GALNT13: variants seen among roughly 807,000 people sequenced by gnomAD.
GALNT13 encodes the protein UDP-GalNAc:polypeptide N-acetylgalactosaminyltransferase 13.
Under a neutral mutation model 64.2 loss-of-function variants are expected in GALNT13, and 28 were observed. That is an observed-to-expected ratio of 0.44 (90% CI 0.32 to 0.60). The LOEUF (loss-of-function observed/expected upper bound fraction) is 0.60. Among genes scored for constraint, GALNT13 ranks in the 20% least tolerant of loss-of-function variants. The pLI, the probability that GALNT13 is intolerant of heterozygous loss-of-function variation, is 0.05. For synonymous variants in GALNT13, 214 were observed against 224.6 expected (o/e 0.95, Z 0.42); for missense variants, 577 against 669.8 (o/e 0.86, Z 1.53).
chr2:153,483,894 C>T, the GALNT13 span, among the ~76,000 whole-genome samples: 182 of 152,132 alleles, frequency 1.2e-3, 1 homozygote, highest in Non-Finnish European at 2.0e-3. Flanking sequence ...AGAGGAGTAA[C>T]AGTAGTTATG....
chr2:153,774,451 T>C, the GALNT13 span, among the ~76,000 whole-genome samples: 1 of 152,184 alleles, frequency 6.6e-6, no homozygotes, highest in Admixed American at 6.5e-5. Flanking sequence ...GGGTTTTATA[T>C]AAAGACAGAA....
the GALNT13 span, among the ~76,000 whole-genome samples, chr2:153,650,769 A>G: frequency 2.1e-4 from 32 of 152,086 alleles, no homozygotes; most frequent in Admixed American, 5.2e-4. Context: ...CCAGGCAAAC[A>G]GGTTTGGAGT....
chr2:153,400,179 T>G, the GALNT13 span, among the ~76,000 whole-genome samples: 1 of 151,906 alleles, frequency 6.6e-6, no homozygotes, highest in East Asian at 1.9e-4. Context: ...TCTATTGAGA[T>G]AATCATGTGG....
chr2:153,544,120 A>C, the GALNT13 span, among the ~76,000 whole-genome samples: 1 of 152,200 alleles, frequency 6.6e-6, no homozygotes, highest in African/African-American at 2.4e-5. Flanking sequence ...AGCACAACGT[A>C]CAGAGAAAGA....
the GALNT13 span, among the ~76,000 whole-genome samples, chr2:153,175,163 C>G: frequency 2.0e-5 from 3 of 152,120 alleles, no homozygotes; most frequent in Non-Finnish European, 4.4e-5. Context: ...ATGTGTTCAC[C>G]TAATCCTGAG....
intron 2 of GALNT13, among the ~76,000 whole-genome samples, chr2:153,939,178 C>T (rs1044315560): frequency 2.0e-5 from 3 of 152,004 alleles, no homozygotes; most frequent in Non-Finnish European, 4.4e-5. Flanking sequence ...GATAGGAAAG[C>T]TCGTGGTGAT....
chr2:153,243,060 G>T, the GALNT13 span, among the ~76,000 whole-genome samples: 2 of 152,144 alleles, frequency 1.3e-5, no homozygotes, highest in African/African-American at 4.8e-5. Flanking sequence ...CAGTTGTGGA[G>T]GTATATTTGA....
At chr2:154,421,436 TGCTACAAATATAGACGTA>T (rs1700245729) in intron 11 of GALNT13, among the ~76,000 whole-genome samples, 2 of 152,090 alleles carry the variant, frequency 1.3e-5, no homozygotes, top group Non-Finnish European at 2.9e-5. Flanking sequence ...TATTTTGCCT[TGCTACAAATATAGACGTA>T]GTAGTCATAC....
intron 3 of GALNT13, among the ~76,000 whole-genome samples, chr2:153,950,180 G>T (rs957985389): frequency 1.3e-5 from 2 of 151,672 alleles, no homozygotes; most frequent in South Asian, 4.2e-4. Context: ...TAAAGCAAAC[G>T]CAACTGACCA....
chr2:154,336,765 C>G (rs1559097951), intron 9 of GALNT13, among the ~76,000 whole-genome samples: 3 of 151,762 alleles, frequency 2.0e-5, no homozygotes, highest in Admixed American at 6.6e-5. Flanking sequence ...GTTTTAATGT[C>G]CTAATGCTTA....
the GALNT13 span, among the ~76,000 whole-genome samples, chr2:153,670,202 A>G: frequency 6.6e-6 from 1 of 152,136 alleles, no homozygotes; most frequent in African/African-American, 2.4e-5. Flanking sequence ...TTCTCCCAGC[A>G]TGGCGTTCGA....
the GALNT13 span, among the ~76,000 whole-genome samples, chr2:153,566,643 T>C: frequency 2.0e-5 from 3 of 152,176 alleles, no homozygotes; most frequent in Admixed American, 6.5e-5. Flanking sequence ...CGTGAGCCAC[T>C]GCGTCCGGCC....
chr2:153,872,818 T>G (rs1164214037), intron 1 of GALNT13, among the ~76,000 whole-genome samples: 1 of 152,136 alleles, frequency 6.6e-6, no homozygotes, highest in African/African-American at 2.4e-5. Flanking sequence ...TGCCTTCGTA[T>G]AGTGCCCCCT....
intron 4 of GALNT13, among the ~76,000 whole-genome samples, chr2:154,167,150 AAAG>A (rs1685078264): frequency 6.6e-6 from 1 of 152,292 alleles, no homozygotes; most frequent in Admixed American, 6.5e-5. Context: ...ATAAAATTAA[AAAG>A]AAAAATAAAT....
At chr2:153,843,592 C>T in the GALNT13 span, among the ~76,000 whole-genome samples, 1 of 152,212 alleles carries the variant, frequency 6.6e-6, no homozygotes, top group Non-Finnish European at 1.5e-5. Flanking sequence ...ATCGTGCCTT[C>T]CCAATAGTCA....
At chr2:153,218,613 A>T in the GALNT13 span, among the ~76,000 whole-genome samples, 7 of 152,238 alleles carry the variant, frequency 4.6e-5, no homozygotes, top group Non-Finnish European at 1.0e-4. Context: ...GTTCTCTTTG[A>T]ACTCACCTAG....
chr2:153,672,290 A>G, the GALNT13 span, among the ~76,000 whole-genome samples: 1 of 152,192 alleles, frequency 6.6e-6, no homozygotes, highest in East Asian at 1.9e-4. Flanking sequence ...AAAATTGACC[A>G]CATAATTGGA....
chr2:153,844,418 T>C, the GALNT13 span, among the ~76,000 whole-genome samples: 87 of 152,250 alleles, frequency 5.7e-4, no homozygotes, highest in African/African-American at 2.0e-3. Context: ...GAGAGCATTG[T>C]CCCAAGGCTG....
chr2:153,856,162 G>A, the GALNT13 span, among the ~76,000 whole-genome samples: 6 of 152,112 alleles, frequency 3.9e-5, no homozygotes, highest in Non-Finnish European at 7.4e-5. Flanking sequence ...TGGTTACACA[G>A]CTCTTTGAAT....
Sources: allele counts gnomAD v4.1 joint callset (sites outside exome capture counted in the v4.1 genomes callset), GRCh38; gene constraint gnomAD v4.1.1; transcripts MANE v1.5; gene names NCBI Gene and HGNC (gene_info 2026-07-23, HGNC 2026-07-21).